TMEM8B: variants seen among roughly 807,000 people sequenced by gnomAD.
TMEM8B encodes transmembrane protein 8B.
A neutral mutation model predicts 49.3 loss-of-function variants in TMEM8B; 29 were observed. The observed-to-expected ratio is 0.59, with a 90% confidence interval of 0.44 to 0.80. The LOEUF (loss-of-function observed/expected upper bound fraction) is 0.80, where lower values mean the gene tolerates loss of function less well. Ranked by LOEUF, TMEM8B falls within the 30% of genes least tolerant of loss-of-function variation. TMEM8B has a pLI of 0.00. For missense variants in TMEM8B, 575 were observed against 658.5 expected (o/e 0.87, Z 1.39); for synonymous variants, 264 against 272.8 (o/e 0.97, Z 0.32).
At chr9:35,845,341 C>A (rs1831416834) in intron 6 of TMEM8B, 4 of 944,680 alleles carry the variant, frequency 4.2e-6, no homozygotes, top group South Asian at 4.9e-5. Flanking sequence ...TTATTATATT[C>A]TATTTTATGT....
intron 10 of TMEM8B, among the ~76,000 whole-genome samples, chr9:35,850,882 TTAAAA>T (rs1407750120): frequency 2.6e-5 from 4 of 152,178 alleles, no homozygotes; most frequent in African/African-American, 9.7e-5. Context: ...AATTAGTTCT[TTAAAA>T]TAAAATCCAA....
intron 2 of TMEM8B, 85 bp from the exon 3 acceptor site, chr9:35,834,926 G>A (rs1830297445): frequency 2.4e-6 from 1 of 415,020 alleles, no homozygotes; most frequent in Non-Finnish European, 4.4e-6. Flanking sequence ...TCGGTGAAGA[G>A]TGACAGTTCT....
rs1832656518 is a variant in TMEM8B, at chr9:35,861,705, G to A, written c.*7865G>A. On this transcript the variant is annotated 3_prime_UTR_variant, in exon 13 of 13. Coordinates refer to ENST00000643932, the MANE Select transcript of TMEM8B (RefSeq NM_001042590.4). ...TCCTCCTTGAAGACTGGGATGCTAT[G>A]TAGCTCAGAGGAAACATACACCTGA... 6.6e-6 allele frequency: 1 copy of A among 152,328 alleles called. No individual in the cohort carries two copies. Among genetic ancestry groups the A allele is most frequent in the African/African-American group, 2.4e-5 (1 of 41,446 alleles). 9.4% of individuals were successfully genotyped at this position (152,328 alleles called of 1,614,324 possible).
rs1564033438 is a variant in TMEM8B, at chr9:35,846,087, G to C, written c.1729+19G>C. 9.3e-6 allele frequency: 15 copies of C among 1,613,584 alleles called. No individual in the cohort carries two copies. Among genetic ancestry groups the C allele is most frequent in the African/African-American group, 1.3e-5 (1 of 74,956 alleles). ...TCCAAAGGTGAGGTGAGGAATGGGG[G>C]AGGAGAGGAAGCTGCAGTGTGGGGG... On this transcript the variant is annotated intron_variant, in intron 7 of 12. Coordinates refer to ENST00000643932, the MANE Select transcript of TMEM8B (RefSeq NM_001042590.4).
intron 3 of TMEM8B, among the ~76,000 whole-genome samples, chr9:35,839,200 A>C (rs1830729151): frequency 6.6e-6 from 1 of 152,232 alleles, no homozygotes; most frequent in Non-Finnish European, 1.5e-5. Flanking sequence ...CATACATACG[A>C]GGACATTGTA....
intron 10 of TMEM8B, among the ~76,000 whole-genome samples, chr9:35,851,762 G>A (rs1033056908): frequency 2.6e-5 from 4 of 152,110 alleles, no homozygotes; most frequent in African/African-American, 4.8e-5. Context: ...CCAGGTTTTC[G>A]TCTTCATTTT....
In TMEM8B at chr9:35,853,503, A is replaced by G; in HGVS notation, c.2440-2A>G. Reference sequence around the variant, plus strand: ...TGAGCCCCACTTCTCTGTCTCCCCCAGACAGTACGCAGCGTCCGCCGCCGG... The same window carrying G: ...TGAGCCCCACTTCTCTGTCTCCCCCGGACAGTACGCAGCGTCCGCCGCCGG... On this transcript the variant is annotated splice_acceptor_variant, in intron 12 of 12. Transcript: ENST00000643932. LOFTEE classifies it high-confidence loss of function. The surrounding 1 kb of genome is among the most constrained non-coding windows in gnomAD (Gnocchi z 4.2). 2 of 1,610,184 alleles carry G rather than the reference A, an allele frequency of 1.2e-6. No homozygotes were observed. Among genetic ancestry groups the G allele is most frequent in the Non-Finnish European group, 1.7e-6 (2 of 1,178,544 alleles).
intron 1 of TMEM8B, 94 bp from the exon 2 acceptor site, chr9:35,834,367 T>G (rs1202685050): frequency 2.5e-6 from 1 of 400,786 alleles, no homozygotes; most frequent in East Asian, 3.6e-5. Flanking sequence ...ATTTGTGGAG[T>G]TGATGCTATT....
chr9:35,841,105 C>T lies in TMEM8B; in HGVS notation c.907-29C>T. The stretch of plus-strand genomic sequence containing the variant: ...TTAGTCACACCCCTGCTGTCTCTCC[C>T]TCTCCTGCCACCCCTGCTTTTGTCC... On this transcript the variant is annotated intron_variant, in intron 3 of 12. Transcript: ENST00000643932. The surrounding 1 kb of genome is among the most constrained non-coding windows in gnomAD (Gnocchi z 5.9). 2.4e-6 allele frequency: 1 copy of T among 415,604 alleles called. No individual in the cohort carries two copies. Among genetic ancestry groups the T allele is most frequent in the Non-Finnish European group, 4.4e-6 (1 of 226,378 alleles). The allele number at this position is 415,604 out of a possible 1,614,324, so 25.7% of individuals were successfully genotyped here.
rs1832356797 is a variant in TMEM8B at position 35,853,577 on chromosome 9, G to C, written c.2512G>C (p.Gly838Arg). The change falls in exon 13 of 13, where the codon GGC becomes CGC. Residue 838 changes from glycine (G) to arginine (R), a missense_variant. Coordinates refer to ENST00000643932, the MANE Select transcript of TMEM8B (RefSeq NM_001042590.4). The surrounding 1 kb of genome is among the most constrained non-coding windows in gnomAD (Gnocchi z 4.2). ...WRRWLFYLCPGSLIAGSAVLL... is the reference protein window; with the variant it reads ...WRRWLFYLCPRSLIAGSAVLL... ...CCGCTGGCTTTTCTACTTGTGCCCTGGCAGCCTTATTGCAGGCAGTGCCGT... is the reference window on the plus strand; with the variant it reads ...CCGCTGGCTTTTCTACTTGTGCCCTCGCAGCCTTATTGCAGGCAGTGCCGT... 6.2e-7 allele frequency: 1 copy of C among 1,614,110 alleles called. No individual in the cohort carries two copies. The highest frequency in any genetic ancestry group is 8.5e-7 in the Non-Finnish European group (1 of 1,180,050).
chr9:35,852,950 C>T lies in TMEM8B; in HGVS notation c.2299C>T (p.Arg767Cys), dbSNP rs762333081. The T allele has an allele frequency of 6.2e-6, 10 of 1,614,142 alleles. No homozygotes were observed. Among genetic ancestry groups the T allele is most frequent in the South Asian group, 1.1e-5 (1 of 91,082 alleles). ...GTGGGTCACTGTCATTGCCATGGCT[C>T]GTTTACAGCCCGTGGTCAAGCAGGT... ...SVWVTVIAMA[R>C]LQPVVKQVLY... Residue 767 changes from arginine (R) to cysteine (C), a missense_variant, in exon 11 of 13, where the codon CGT becomes TGT. Arg to Cys is a radical substitution (Grantham distance 180). Transcript: ENST00000643932.
At chr9:35,833,655 A>C (rs919961855) in intron 1 of TMEM8B, among the ~76,000 whole-genome samples, 3 of 152,026 alleles carry the variant, frequency 2.0e-5, no homozygotes, top group Admixed American at 6.5e-5. Context: ...CTGGGTCACT[A>C]ACTCACTGCC....
intron 10 of TMEM8B, 121 bp from the exon 11 acceptor site, chr9:35,852,706 C>T: frequency 8.5e-7 from 1 of 1,170,784 alleles, no homozygotes; most frequent in Non-Finnish European, 1.2e-6. Flanking sequence ...ATCTTCTCAT[C>T]TGTGACCTTT....
intron 1 of TMEM8B, among the ~76,000 whole-genome samples, chr9:35,831,278 G>A (rs950310283): frequency 1.3e-5 from 2 of 152,112 alleles, no homozygotes; most frequent in Non-Finnish European, 2.9e-5. Context: ...TATCTTCTGA[G>A]CGCCTGTGTT....
At chr9:35,836,060 A>G (rs1398075494) in intron 3 of TMEM8B, among the ~76,000 whole-genome samples, 1 of 152,218 alleles carries the variant, frequency 6.6e-6, no homozygotes, top group Non-Finnish European at 1.5e-5. Flanking sequence ...GAGCAAGAAC[A>G]GAGTGAGGAT....
rs1184755740 is a variant in TMEM8B at position 35,856,531 on chromosome 9, G to A, written c.*2691G>A. On this transcript the variant is annotated 3_prime_UTR_variant, in exon 13 of 13. Transcript: ENST00000643932. ...CCATTGGAGAGATTAAGCAGGAGAG[G>A]AACATCAGATTGGGGTTTTGATGGC... 3 of 152,268 alleles carry A rather than the reference G, an allele frequency of 2.0e-5. No homozygotes were observed. Among genetic ancestry groups the A allele is most frequent in the Non-Finnish European group, 2.9e-5 (2 of 68,086 alleles). 9.4% of individuals were successfully genotyped at this position (152,268 alleles called of 1,614,324 possible). A position where few individuals can be genotyped will look rare whatever the true frequency, so the allele number is the denominator to read the frequency against.
chr9:35,852,971 C>G lies in TMEM8B; in HGVS notation c.2320C>G (p.Gln774Glu). The stretch of plus-strand genomic sequence containing the variant: ...GGCTCGTTTACAGCCCGTGGTCAAG[C>G]AGGTCAGTCCAGAGTGGGCCCTGGG... ...AMARLQPVVK[Q>E]VLYLLGAMLL... Residue 774 changes from glutamine (Q) to glutamate (E), a missense_variant and splice_region_variant, in exon 11 of 13, where the codon CAG becomes GAG. By Grantham distance (29) the Gln-to-Glu change is conservative. Transcript: ENST00000643932. 1 of 1,614,138 alleles carries G rather than the reference C, an allele frequency of 6.2e-7. No individual in the cohort carries two copies. The highest frequency in any genetic ancestry group is 1.1e-5 in the South Asian group (1 of 91,082).
intron 3 of TMEM8B, among the ~76,000 whole-genome samples, chr9:35,840,377 G>A (rs1830851966): frequency 1.3e-5 from 2 of 152,210 alleles, no homozygotes; most frequent in South Asian, 4.1e-4. Context: ...GCTTCCCCCA[G>A]GTGGGATGAT....
In TMEM8B at chr9:35,860,799, T is replaced by C. The variant is rs1368146474; in HGVS notation, c.*6959T>C. On this transcript the variant is annotated 3_prime_UTR_variant, in exon 13 of 13. Transcript: ENST00000643932. ...TTTGTAGGAGAAATGATACTGACAATGATGTCACACGAGGAGGGAAGCCAG... is the reference window on the plus strand; with the variant it reads ...TTTGTAGGAGAAATGATACTGACAACGATGTCACACGAGGAGGGAAGCCAG... 3 of 152,328 alleles carry C rather than the reference T, an allele frequency of 2.0e-5. No homozygotes were observed. The highest frequency in any genetic ancestry group is 4.1e-4 in the South Asian group (2 of 4,828). The allele number at this position is 152,328 out of a possible 1,614,324, so 9.4% of individuals were successfully genotyped here. A position where few individuals can be genotyped will look rare whatever the true frequency, so the allele number is the denominator to read the frequency against.
Sources: allele counts gnomAD v4.1 joint callset (sites outside exome capture counted in the v4.1 genomes callset), GRCh38; gene constraint gnomAD v4.1.1; non-coding constraint Gnocchi (gnomAD v3.1); transcripts MANE v1.5; gene names NCBI Gene and HGNC (gene_info 2026-07-23, HGNC 2026-07-21).